Variants in TNIK observed in about 807,000 individuals in gnomAD.
TNIK encodes TRAF2 and NCK-interacting protein kinase.
Under a neutral mutation model 191.3 loss-of-function variants are expected in TNIK, and 49 were observed. That is an observed-to-expected ratio of 0.26 (90% CI 0.20 to 0.32). The LOEUF is 0.32. Ranked by LOEUF, TNIK falls within the 10% of genes least tolerant of loss-of-function variation. The pLI is 1.00. For synonymous variants in TNIK, 594 were observed against 600.9 expected, an observed-to-expected ratio of 0.99 and a Z score of 0.17; for missense variants, 1,155 against 1,702.3, an observed-to-expected ratio of 0.68 and a Z score of 5.66.
intron 1 of TNIK, among the ~76,000 whole-genome samples, chr3:171,445,282 G>A (rs1186847060): frequency 6.6e-6 from 1 of 152,002 alleles, no homozygotes; most frequent in Non-Finnish European, 1.5e-5. Flanking sequence ...AGTCAGGTAT[G>A]GTGGCACATG....
In TNIK at chr3:171,159,201, C is replaced by T. The variant is rs6776047; in HGVS notation, c.1017-1537G>A. On this transcript the variant is annotated intron_variant, in intron 11 of 32. Coordinates refer to ENST00000436636, the MANE Select transcript of TNIK (RefSeq NM_015028.4). This position sits in a 1 kb window ranked among gnomAD's most constrained non-coding sequence, Gnocchi z 4.1. ...GACACCACCCAGGGCGAGAGCAGAG[C>T]GGGTGGAGGAGGGAAGGAGCGTTTG... Among the ~76,000 whole-genome samples the T allele has an allele frequency of 3.4e-4, 52 of 151,698 alleles. No homozygotes were observed. The highest frequency in any genetic ancestry group is 1.2e-3 in the African/African-American group (49 of 41,308).
At chr3:171,143,959 A>G (rs1250598781) in intron 12 of TNIK, among the ~76,000 whole-genome samples, 1 of 152,220 alleles carries the variant, frequency 6.6e-6, no homozygotes, top group Non-Finnish European at 1.5e-5. Context: ...CATCTTAGAG[A>G]AAGGCATGAA....
At chr3:171,224,683 C>T (rs567881366) in intron 3 of TNIK, among the ~76,000 whole-genome samples, 2 of 152,278 alleles carry the variant, frequency 1.3e-5, no homozygotes, top group Non-Finnish European at 2.9e-5. Context: ...TGACTGCCCA[C>T]TGATGCTGAT....
At chr3:171,256,461 C>T (rs1052253675) in intron 2 of TNIK, among the ~76,000 whole-genome samples, 10 of 152,178 alleles carry the variant, frequency 6.6e-5, no homozygotes, top group African/African-American at 2.4e-4. Context: ...AAACGAGATG[C>T]CTGGGGAACT....
intron 2 of TNIK, among the ~76,000 whole-genome samples, chr3:171,244,718 T>C (rs538297060): frequency 1.3e-5 from 2 of 152,050 alleles, no homozygotes; most frequent in African/African-American, 2.4e-5. Flanking sequence ...ATGAACTTCA[T>C]TATTGTATTT....
At chr3:171,365,919 G>A (rs9290409) in intron 2 of TNIK, among the ~76,000 whole-genome samples, 14,590 of 152,156 alleles carry the variant, frequency 0.096, 888 homozygotes, top group East Asian at 0.31. Context: ...CTTCATTTCC[G>A]TAATAACCAA....
At chr3:171,099,966 C>CTCCAACTAGCATATAAACTTTT (rs1377463927) in intron 22 of TNIK, among the ~76,000 whole-genome samples, 1 of 152,180 alleles carries the variant, frequency 6.6e-6, no homozygotes, top group African/African-American at 2.4e-5. Flanking sequence ...TTTTGTCATT[C>CTCCAACTAGCATATAAACTTTT]TCCAACTAGC....
intron 1 of TNIK, among the ~76,000 whole-genome samples, chr3:171,425,950 G>A (rs1724507705): frequency 6.6e-6 from 1 of 152,120 alleles, no homozygotes; most frequent in South Asian, 2.1e-4. Context: ...CTTTTACACT[G>A]TTGGTGGGAC....
At chr3:171,224,106 G>A (rs1742696124) in intron 3 of TNIK, among the ~76,000 whole-genome samples, 1 of 152,152 alleles carries the variant, frequency 6.6e-6, no homozygotes, top group South Asian at 2.1e-4. Flanking sequence ...CAATGGCAAT[G>A]AGGTAGTGAA....
intron 9 of TNIK, among the ~76,000 whole-genome samples, chr3:171,168,356 G>A (rs941541599): frequency 6.6e-6 from 1 of 152,142 alleles, no homozygotes; most frequent in Non-Finnish European, 1.5e-5. Flanking sequence ...TGGTGCACAG[G>A]GGAGATACAG....
intron 18 of TNIK, among the ~76,000 whole-genome samples, chr3:171,118,469 T>C (rs1296430805): frequency 6.6e-6 from 1 of 151,952 alleles, no homozygotes; most frequent in Non-Finnish European, 1.5e-5. Context: ...AAAAAAGAGC[T>C]CACATTGCCA....
intron 2 of TNIK, among the ~76,000 whole-genome samples, chr3:171,339,263 C>T (rs1217345354): frequency 3.9e-5 from 6 of 152,182 alleles, no homozygotes; most frequent in African/African-American, 1.4e-4. Context: ...CAGAAAGATG[C>T]ACTTGTAGGC....
chr3:171,378,436 T>C (rs2108512697), intron 1 of TNIK, among the ~76,000 whole-genome samples: 1 of 152,320 alleles, frequency 6.6e-6, no homozygotes, highest in East Asian at 1.9e-4. Context: ...TTACTTGATA[T>C]AATAATTAAT....
In TNIK at chr3:171,434,483, A is replaced by G. The variant is rs536037104; in HGVS notation, c.57+25524T>C. ...TATTTATTTATTTTTTTTGAGACAA[A>G]GTCTTGCTCTGTTGCCCAGGCTGGA... On this transcript the variant is annotated intron_variant, in intron 1 of 32. Coordinates refer to ENST00000436636, the MANE Select transcript of TNIK (RefSeq NM_015028.4). 2.2e-3 allele frequency among the ~76,000 whole-genome samples: 337 copies of G among 151,554 alleles called. 2 individuals carry two copies. Among genetic ancestry groups the G allele is most frequent in the African/African-American group, 7.6e-3 (315 of 41,270 alleles).
At chr3:171,406,037 T>G (rs1447785671) in intron 1 of TNIK, among the ~76,000 whole-genome samples, 1 of 152,214 alleles carries the variant, frequency 6.6e-6, no homozygotes, top group Non-Finnish European at 1.5e-5. Flanking sequence ...GCCTATATTC[T>G]ATGATAATGT....
rs555040969 is a variant in TNIK, at chr3:171,183,201, C to T, written c.639+5501G>A. Among the ~76,000 whole-genome samples the T allele has an allele frequency of 3.5e-4, 54 of 152,250 alleles. No individual in the cohort carries two copies. In the South Asian group the frequency reaches 0.011, roughly 30 times the overall value. On this transcript the variant is annotated intron_variant, in intron 7 of 32. Coordinates refer to ENST00000436636, the MANE Select transcript of TNIK (RefSeq NM_015028.4). ...AGGAAGCAAACAGGAAAACGTGTGTCCTCCTTCCTCCTCCAGACTTGATCT... is the reference window on the plus strand; with the variant it reads ...AGGAAGCAAACAGGAAAACGTGTGTTCTCCTTCCTCCTCCAGACTTGATCT...
At chr3:171,444,152 C>A (rs1560082215) in intron 1 of TNIK, among the ~76,000 whole-genome samples, 1 of 152,118 alleles carries the variant, frequency 6.6e-6, no homozygotes, top group Non-Finnish European at 1.5e-5. Flanking sequence ...TCAACTTTTC[C>A]TCCATATAAA....
At chr3:171,188,565 C>A (rs1005074976) in intron 7 of TNIK, 137 bp downstream of exon 7, 15 of 1,039,574 alleles carry the variant, frequency 1.4e-5, no homozygotes, top group Non-Finnish European at 2.0e-5. Flanking sequence ...GAATGTCTTA[C>A]AGGTCTTAAA....
intron 4 of TNIK, among the ~76,000 whole-genome samples, chr3:171,209,257 G>A (rs1740494866): frequency 6.6e-6 from 1 of 151,892 alleles, no homozygotes; most frequent in African/African-American, 2.4e-5. Flanking sequence ...AGTAAGAATA[G>A]GCTTTTAATA....
Sources: gnomAD v4.1 joint callset for allele counts (sites outside exome capture counted in the v4.1 genomes callset) on GRCh38, gnomAD v4.1.1 for gene constraint, Gnocchi (gnomAD v3.1) non-coding constraint, MANE v1.5 for transcripts, NCBI Gene and HGNC (gene_info 2026-07-23, HGNC 2026-07-21) for gene names.